The following ROBO2 variants were observed in gnomAD, a reference collection of about 807,000 sequenced individuals.
ROBO2 encodes the protein roundabout guidance receptor 2, also known as roundabout homolog 2.
Under a neutral mutation model 160.8 loss-of-function variants are expected in ROBO2, and 53 were observed. The ratio of observed to expected loss-of-function variants is 0.33; its 90% CI spans 0.26 to 0.41. The LOEUF is 0.41. Among genes scored for constraint, ROBO2 ranks in the 10% least tolerant of loss-of-function variants. The probability of loss-of-function intolerance (pLI) is 1.00; values close to 1 mark genes in which losing one functional copy is unlikely to be tolerated. For synonymous variants in ROBO2, 664 were observed against 611.7 expected, an observed-to-expected ratio of 1.09 and a Z score of -1.26; for missense variants, 1,577 against 1,722.4, an observed-to-expected ratio of 0.92 and a Z score of 1.49.
At chr3:76,795,273 A>G (rs1005010763) in intron 2 of ROBO2, among the ~76,000 whole-genome samples, 49 of 152,044 alleles carry the variant, frequency 3.2e-4, no homozygotes, top group Admixed American at 3.1e-3. Context: ...ATTAGTCCCA[A>G]TGAAGCTTGC....
At chr3:77,520,717 A>G (rs1372563241) in intron 5 of ROBO2, among the ~76,000 whole-genome samples, 1 of 151,292 alleles carries the variant, frequency 6.6e-6, no homozygotes, top group Non-Finnish European at 1.5e-5. Context: ...GATGAATTGG[A>G]AATGGCTGCA....
intron 20 of ROBO2, among the ~76,000 whole-genome samples, chr3:77,604,449 T>C (rs1376942366): frequency 1.3e-5 from 2 of 152,162 alleles, no homozygotes; most frequent in African/African-American, 4.8e-5. Flanking sequence ...CTATATGTGT[T>C]GATTGCCACC....
chr3:76,384,060 G>A (rs2076764897), intron 2 of ROBO2, among the ~76,000 whole-genome samples: 1 of 152,136 alleles, frequency 6.6e-6, no homozygotes, highest in Admixed American at 6.5e-5. Context: ...TGGATTATTT[G>A]TGTACAGTTG....
intron 2 of ROBO2, among the ~76,000 whole-genome samples, chr3:76,761,214 G>T (rs1267099267): frequency 6.6e-6 from 1 of 151,720 alleles, no homozygotes; most frequent in Non-Finnish European, 1.5e-5. Flanking sequence ...AGGAACAATT[G>T]TATAAGCTAT....
intron 2 of ROBO2, among the ~76,000 whole-genome samples, chr3:76,132,405 G>T (rs868393724): frequency 2.4e-5 from 3 of 126,694 alleles, no homozygotes; most frequent in Non-Finnish European, 3.4e-5. Flanking sequence ...GGGGGGGGGG[G>T]GGGACGCAGA....
At chr3:77,398,149 A>G (rs907741199) in intron 2 of ROBO2, among the ~76,000 whole-genome samples, 8 of 152,170 alleles carry the variant, frequency 5.3e-5, no homozygotes, top group Admixed American at 3.9e-4. Context: ...TTTAAAGCCA[A>G]TTATATGAGC....
intron 2 of ROBO2, among the ~76,000 whole-genome samples, chr3:77,397,513 C>A (rs2075391533): frequency 1.3e-5 from 2 of 152,130 alleles, no homozygotes; most frequent in African/African-American, 4.8e-5. Context: ...GGAGATGAAG[C>A]CTTGTAAGTG....
At chr3:76,232,881 A>G (rs539337176) in intron 2 of ROBO2, among the ~76,000 whole-genome samples, 93 of 152,258 alleles carry the variant, frequency 6.1e-4, no homozygotes, top group African/African-American at 2.1e-3. Flanking sequence ...TTTATCTCAC[A>G]GAGAAAATAG....
intron 8 of ROBO2, among the ~76,000 whole-genome samples, chr3:77,557,393 A>G (rs1622375): frequency 0.016 from 2,436 of 152,066 alleles, 66 homozygotes; most frequent in African/African-American, 0.056. Flanking sequence ...GAAGGAAATT[A>G]TTTATAATCT....
At chr3:77,549,416 A>G (rs116537296) in intron 7 of ROBO2, among the ~76,000 whole-genome samples, 2,448 of 152,134 alleles carry the variant, frequency 0.016, 70 homozygotes, top group African/African-American at 0.057. Flanking sequence ...AATCTACAGT[A>G]GAATCAGCTG....
intron 2 of ROBO2, among the ~76,000 whole-genome samples, chr3:76,033,032 C>G (rs1210994573): frequency 6.6e-6 from 1 of 151,874 alleles, no homozygotes; most frequent in Non-Finnish European, 1.5e-5. Context: ...GAAACCCAAA[C>G]ACATTCTGAC....
At chr3:76,363,054 G>T (rs1375239218) in intron 2 of ROBO2, among the ~76,000 whole-genome samples, 1 of 152,026 alleles carries the variant, frequency 6.6e-6, no homozygotes, top group Non-Finnish European at 1.5e-5. Context: ...CCTTGACCTT[G>T]TCTGGTAAAT....
At chr3:77,242,202 A>T (rs2089147576) in intron 2 of ROBO2, among the ~76,000 whole-genome samples, 1 of 152,152 alleles carries the variant, frequency 6.6e-6, no homozygotes, top group South Asian at 2.1e-4. Flanking sequence ...GTCAGGAAAA[A>T]AATAATAATA....
chr3:76,119,220 C>T (rs1201790230), intron 2 of ROBO2, among the ~76,000 whole-genome samples: 1 of 152,112 alleles, frequency 6.6e-6, no homozygotes, highest in Non-Finnish European at 1.5e-5. Flanking sequence ...GATGAATTCG[C>T]TGTTGGTTCA....
chr3:77,285,471 A>C (rs2060521272), intron 2 of ROBO2, among the ~76,000 whole-genome samples: 1 of 152,092 alleles, frequency 6.6e-6, no homozygotes, highest in Non-Finnish European at 1.5e-5. Flanking sequence ...CATAAAATCT[A>C]CCTACATACA....
intron 2 of ROBO2, among the ~76,000 whole-genome samples, chr3:76,623,916 A>G (rs1578640822): frequency 6.6e-6 from 1 of 152,144 alleles, no homozygotes; most frequent in Admixed American, 6.5e-5. Context: ...GGCCTCTGAC[A>G]TCTTCCTTTC....
chr3:76,227,205 A>T (rs182072463), intron 2 of ROBO2, among the ~76,000 whole-genome samples: 9 of 152,302 alleles, frequency 5.9e-5, no homozygotes, highest in Admixed American at 2.6e-4. Flanking sequence ...GAGAATTCTT[A>T]ACCCTTGATT....
At chr3:76,272,491 C>T (rs1350510572) in intron 2 of ROBO2, among the ~76,000 whole-genome samples, 6 of 150,840 alleles carry the variant, frequency 4.0e-5, no homozygotes, top group African/African-American at 1.2e-4. Context: ...GGTGAAACCC[C>T]GTTTCTACTA....
intron 2 of ROBO2, among the ~76,000 whole-genome samples, chr3:76,975,185 C>A (rs1308720270): frequency 1.3e-5 from 2 of 152,088 alleles, no homozygotes; most frequent in African/African-American, 4.8e-5. Flanking sequence ...AAGTGATCTT[C>A]CTACACAGAA....
Sources: allele counts gnomAD v4.1 joint callset (sites outside exome capture counted in the v4.1 genomes callset), GRCh38; gene constraint gnomAD v4.1.1; transcripts MANE v1.5; gene names NCBI Gene and HGNC (gene_info 2026-07-23, HGNC 2026-07-21).